Variants in PDE1C observed in about 807,000 individuals in gnomAD.
PDE1C encodes phosphodiesterase 1C, also known as dual specificity calcium/calmodulin-dependent 3',5'-cyclic nucleotide phosphodiesterase 1C.
In PDE1C, 62 loss-of-function variants were observed where a neutral mutation model predicts 93.1. The ratio of observed to expected loss-of-function variants is 0.67; its 90% CI spans 0.54 to 0.82. The LOEUF (loss-of-function observed/expected upper bound fraction) is 0.82. Among genes scored for constraint, PDE1C ranks in the 40% least tolerant of loss-of-function variants. The probability of loss-of-function intolerance (pLI) is 0.00; values close to 1 mark genes in which losing one functional copy is unlikely to be tolerated. For missense variants in PDE1C, 742 were observed against 884.6 expected (o/e 0.84, Z 2.04); for synonymous variants, 325 against 310.1 (o/e 1.05, Z -0.50).
chr7:31,910,174 C>G (rs1353567021), intron 2 of PDE1C, among the ~76,000 whole-genome samples: 2 of 152,132 alleles, frequency 1.3e-5, no homozygotes, highest in Non-Finnish European at 2.9e-5. Flanking sequence ...CCCCAGAAAG[C>G]AGGAATACTT....
intron 3 of PDE1C, among the ~76,000 whole-genome samples, chr7:32,090,181 A>ACTT (rs774120686): frequency 3.3e-4 from 26 of 78,912 alleles, no homozygotes; most frequent in South Asian, 9.5e-4. Flanking sequence ...TAATAACATA[A>ACTT]ATAAAAAAAT....
At chr7:31,887,029 C>T (rs1412939959) in intron 2 of PDE1C, among the ~76,000 whole-genome samples, 1 of 152,054 alleles carries the variant, frequency 6.6e-6, no homozygotes, top group Non-Finnish European at 1.5e-5. Flanking sequence ...ATGAGATTGG[C>T]ATTTTAGAAA....
chr7:32,243,058 C>T (rs557273561), intron 1 of PDE1C, among the ~76,000 whole-genome samples: 9 of 152,130 alleles, frequency 5.9e-5, no homozygotes, highest in East Asian at 1.9e-4. Context: ...CTGACACAAA[C>T]GAGTTACTCC....
At chr7:31,963,313 T>C (rs1242466708) in intron 2 of PDE1C, among the ~76,000 whole-genome samples, 2 of 152,218 alleles carry the variant, frequency 1.3e-5, no homozygotes, top group Admixed American at 6.6e-5. Flanking sequence ...CACTAGATTA[T>C]TTTGCTCAGC....
At chr7:31,878,841 T>G (rs942788734) in intron 4 of PDE1C, among the ~76,000 whole-genome samples, 155 bp downstream of exon 4, 2 of 152,194 alleles carry the variant, frequency 1.3e-5, no homozygotes, top group African/African-American at 4.8e-5. Context: ...AATAGATATG[T>G]TTTTGCCATT....
At chr7:31,766,547 T>G (rs964518096) in intron 17 of PDE1C, among the ~76,000 whole-genome samples, 4 of 152,356 alleles carry the variant, frequency 2.6e-5, no homozygotes, top group African/African-American at 9.6e-5. Flanking sequence ...AGAATTAAGT[T>G]ACCCGGCAGA....
chr7:31,865,690 C>A (rs927611152), intron 6 of PDE1C, among the ~76,000 whole-genome samples: 30 of 152,224 alleles, frequency 2.0e-4, no homozygotes, highest in Admixed American at 1.7e-3. Flanking sequence ...GTTTCTGTTC[C>A]CATATATAAC....
intron 1 of PDE1C, among the ~76,000 whole-genome samples, chr7:32,261,651 G>A (rs1011789476): frequency 2.0e-5 from 3 of 152,204 alleles, no homozygotes; most frequent in African/African-American, 7.2e-5. Flanking sequence ...TGAGTTCACT[G>A]TTGGCCTCTT....
the PDE1C span, among the ~76,000 whole-genome samples, chr7:31,669,928 G>A: frequency 1.3e-5 from 2 of 152,158 alleles, no homozygotes; most frequent in South Asian, 2.1e-4. Context: ...CTAACAGAGA[G>A]GAGGTTTGCA....
At chr7:32,294,014 G>C (rs113359493) in intron 1 of PDE1C, among the ~76,000 whole-genome samples, 2,891 of 152,176 alleles carry the variant, frequency 0.019, 103 homozygotes, top group African/African-American at 0.066. Context: ...GGGCTGGAGA[G>C]TGGGCCACAC....
At chr7:32,252,028 C>G (rs1809431852) in intron 1 of PDE1C, among the ~76,000 whole-genome samples, 1 of 152,196 alleles carries the variant, frequency 6.6e-6, no homozygotes, top group Admixed American at 6.5e-5. Flanking sequence ...CATTTTGCAC[C>G]TCTCTATAGA....
In PDE1C at chr7:31,873,412, C is replaced by A; in HGVS notation, c.493-4G>T. ...CAAAGGACCACTTGTCCACATCCTGCAGGACAGGGTGGGGAGAAAGAACAC... is the reference window on the plus strand; with the variant it reads ...CAAAGGACCACTTGTCCACATCCTGAAGGACAGGGTGGGGAGAAAGAACAC... On this transcript the variant is annotated splice_polypyrimidine_tract_variant and splice_region_variant and intron_variant, in intron 5 of 17. Transcript: ENST00000396191. 6.3e-7 allele frequency: 1 copy of A among 1,576,364 alleles called. No homozygotes were observed. Among genetic ancestry groups the A allele is most frequent in the Non-Finnish European group, 8.7e-7 (1 of 1,146,178 alleles).
At chr7:32,071,120 C>T (rs1454794951), upstream of PDE1C, 11 of 985,414 alleles carry the variant, frequency 1.1e-5, no homozygotes, top group Non-Finnish European at 1.3e-5. Flanking sequence ...CGCTGGGCTC[C>T]GACCCCGGCC....
At chr7:31,987,761 T>C (rs2129069841) in intron 2 of PDE1C, among the ~76,000 whole-genome samples, 1 of 152,304 alleles carries the variant, frequency 6.6e-6, no homozygotes, top group South Asian at 2.1e-4. Context: ...AGTAATAAAA[T>C]CCCTCTGAAT....
At chr7:32,292,299 T>C (rs59910515) in intron 1 of PDE1C, among the ~76,000 whole-genome samples, 15,184 of 152,270 alleles carry the variant, frequency 0.1, 849 homozygotes, top group East Asian at 0.15. Flanking sequence ...TAACATGAGA[T>C]CTACCCTCTA....
chr7:31,786,941 CTATCTATCTATCTAT>C (rs1562792289), intron 16 of PDE1C: 4 of 100,006 alleles, frequency 4.0e-5, no homozygotes, highest in South Asian at 6.5e-4. Context: ...ATCTATCTAT[CTATCTATCTATCTAT>C]CATCTATCTA....
At chr7:31,912,976 C>T (rs1318506095) in intron 2 of PDE1C, among the ~76,000 whole-genome samples, 2 of 152,114 alleles carry the variant, frequency 1.3e-5, no homozygotes, top group Admixed American at 6.6e-5. Flanking sequence ...AGACCAAGCA[C>T]TTTTTCATAT....
In PDE1C at chr7:32,206,955, C is replaced by T. The variant is rs537524313; in HGVS notation, c.136+2534G>A. On this transcript the variant is annotated intron_variant, in intron 2 of 18. Coordinates refer to the PDE1C transcript ENST00000396193. ...GATCCTCTCTGCTTCCTTTGAGTTC[C>T]CTTCCCTCTTCCCTAACCCTCACTT... is the stretch of plus-strand genomic sequence containing the variant. Among the ~76,000 whole-genome samples the T allele has an allele frequency of 3.3e-5, 5 of 152,326 alleles. No individual in the cohort carries two copies. The South Asian group carries it at 6.2e-4, about 19-fold the overall frequency.
the PDE1C span, among the ~76,000 whole-genome samples, chr7:31,714,587 C>T: frequency 6.6e-6 from 1 of 152,138 alleles, no homozygotes; most frequent in Non-Finnish European, 1.5e-5. Flanking sequence ...TAAAGACATA[C>T]CCAAGACTGG....
Sources: allele counts gnomAD v4.1 joint callset (sites outside exome capture counted in the v4.1 genomes callset), GRCh38; gene constraint gnomAD v4.1.1; transcripts MANE v1.5; gene names NCBI Gene and HGNC (gene_info 2026-07-23, HGNC 2026-07-21).